PDE11A: variants seen among roughly 807,000 people sequenced by gnomAD.
PDE11A encodes the protein dual 3',5'-cyclic-AMP and -GMP phosphodiesterase 11A.
Under a neutral mutation model 100.5 loss-of-function variants are expected in PDE11A, and 100 were observed. The ratio of observed to expected loss-of-function variants is 1.00; its 90% CI spans 0.85 to 1.18. The LOEUF is 1.18. PDE11A is among the 50% of genes most tolerant of loss of function. The pLI, the probability that PDE11A is intolerant of heterozygous loss-of-function variation, is 0.00. For missense variants in PDE11A, 1,141 were observed against 1,152.6 expected, an observed-to-expected ratio of 0.99 and a Z score of 0.15; for synonymous variants, 381 against 420.8, an observed-to-expected ratio of 0.91 and a Z score of 1.16.
At chr2:177,818,409 G>A (rs941113461) in intron 7 of PDE11A, among the ~76,000 whole-genome samples, 8 of 151,720 alleles carry the variant, frequency 5.3e-5, no homozygotes, top group African/African-American at 1.9e-4. Context: ...GATGATCTGA[G>A]ATCAAATTTC....
At chr2:178,071,264 A>G (rs558075356) in intron 1 of PDE11A, among the ~76,000 whole-genome samples, 14 of 152,342 alleles carry the variant, frequency 9.2e-5, no homozygotes, top group Middle Eastern at 3.4e-3. Context: ...TCAGTGTTAA[A>G]GACAAAGTGT....
chr2:177,716,036 A>G (rs1003658823), intron 12 of PDE11A, among the ~76,000 whole-genome samples: 1 of 152,202 alleles, frequency 6.6e-6, no homozygotes, highest in African/African-American at 2.4e-5. Context: ...GTTGCCTGGG[A>G]ATGGTGTAAA....
At chr2:177,881,345 AT>A (rs1558989361) in intron 4 of PDE11A, among the ~76,000 whole-genome samples, 36 of 95,354 alleles carry the variant, frequency 3.8e-4, no homozygotes, top group African/African-American at 1.4e-3. Context: ...CTATCTGTCT[AT>A]CTATCTATCT....
At chr2:178,017,681 C>G (rs1438981632) in intron 1 of PDE11A, among the ~76,000 whole-genome samples, 1 of 152,132 alleles carries the variant, frequency 6.6e-6, no homozygotes, top group Non-Finnish European at 1.5e-5. Flanking sequence ...ATTCGGGGGG[C>G]CAGGTGCAGT....
At chr2:177,758,826 G>T (rs567375176) in intron 10 of PDE11A, among the ~76,000 whole-genome samples, 1 of 152,308 alleles carries the variant, frequency 6.6e-6, no homozygotes, top group South Asian at 2.1e-4. Flanking sequence ...AACCAAAGGG[G>T]AGAGTCCCCC....
intron 2 of PDE11A, among the ~76,000 whole-genome samples, chr2:177,947,368 G>A (rs956530638): frequency 6.6e-6 from 1 of 151,744 alleles, no homozygotes; most frequent in Non-Finnish European, 1.5e-5. Context: ...GATGGTTGCC[G>A]TGTCTGTGTA....
chr2:177,751,236 G>T (rs1433748712), intron 10 of PDE11A, among the ~76,000 whole-genome samples: 2 of 152,012 alleles, frequency 1.3e-5, no homozygotes, highest in Non-Finnish European at 1.5e-5. Flanking sequence ...CTGATATGTG[G>T]ATTTGCCTGT....
chr2:177,984,558 C>T lies in PDE11A; in HGVS notation c.1071+29744G>A, dbSNP rs2085919387. Among the ~76,000 whole-genome samples, 3 of 152,102 alleles carry T rather than the reference C, an allele frequency of 2.0e-5. No homozygotes were observed. In the South Asian group the frequency reaches 6.2e-4, roughly 32 times the overall value. On this transcript the variant is annotated intron_variant, in intron 2 of 19. Coordinates refer to ENST00000286063, the MANE Select transcript of PDE11A (RefSeq NM_016953.4). ...CAGTTCCCAATTAAATCAAGAGCTC[C>T]TTGGGATATATAATGTATCTGCTAA...
At chr2:177,908,783 C>G (rs778610869) in intron 2 of PDE11A, among the ~76,000 whole-genome samples, 1 of 152,204 alleles carries the variant, frequency 6.6e-6, no homozygotes, top group African/African-American at 2.4e-5. Flanking sequence ...AGCCTAGGAA[C>G]AGCCCAACAT....
At chr2:177,716,210 T>A (rs1377735216) in intron 12 of PDE11A, among the ~76,000 whole-genome samples, 2 of 152,194 alleles carry the variant, frequency 1.3e-5, no homozygotes, top group African/African-American at 4.8e-5. Context: ...ACTCTGGTTA[T>A]GGCAGAGGCA....
At chr2:177,806,724 C>A (rs1298599333) in intron 9 of PDE11A, among the ~76,000 whole-genome samples, 1 of 151,624 alleles carries the variant, frequency 6.6e-6, no homozygotes, top group African/African-American at 2.4e-5. Flanking sequence ...AATTAAAGAC[C>A]AAGAATACGA....
chr2:177,835,048 C>A lies in PDE11A; in HGVS notation c.1500+5203G>T, dbSNP rs531208224. On this transcript the variant is annotated intron_variant, in intron 6 of 19. Coordinates refer to ENST00000286063, the MANE Select transcript of PDE11A (RefSeq NM_016953.4). ...GCAAAGGTTATGACAACAGTGGAGA[C>A]AGGGTGTATGTGGGTGAGTACGATA... 9.4e-4 allele frequency among the ~76,000 whole-genome samples: 143 copies of A among 152,238 alleles called. 2 individuals are homozygous for A. Among genetic ancestry groups the A allele is most frequent in the Middle Eastern group, 6.8e-3 (2 of 294 alleles).
chr2:177,983,163 GATTTATTTCTAAATTTAGAA>G (rs1169855675), intron 2 of PDE11A, among the ~76,000 whole-genome samples: 1 of 139,908 alleles, frequency 7.1e-6, no homozygotes, highest in East Asian at 1.9e-4. Context: ...GTAATTTAGA[GATTTATTTCTAAATTTAGAA>G]ATTTATTTCT....
At chr2:177,985,379 C>T (rs1177984393) in intron 2 of PDE11A, among the ~76,000 whole-genome samples, 2 of 152,166 alleles carry the variant, frequency 1.3e-5, no homozygotes, top group Admixed American at 6.5e-5. Flanking sequence ...AGGATTGACA[C>T]AATTTACCTC....
intron 2 of PDE11A, among the ~76,000 whole-genome samples, chr2:178,002,403 A>G (rs571352293): frequency 6.6e-6 from 1 of 152,276 alleles, no homozygotes; most frequent in African/African-American, 2.4e-5. Context: ...TTTTGGTAGA[A>G]TGATTTATTT....
chr2:177,789,218 G>A (rs1302095242), intron 9 of PDE11A, among the ~76,000 whole-genome samples: 1 of 152,178 alleles, frequency 6.6e-6, no homozygotes, highest in Non-Finnish European at 1.5e-5. Flanking sequence ...TCCCTGGGAT[G>A]CAAGGCTGGC....
chr2:178,083,725 A>G (rs2087315106), intron 2 of PDE11A, among the ~76,000 whole-genome samples: 1 of 152,242 alleles, frequency 6.6e-6, no homozygotes, highest in African/African-American at 2.4e-5. Flanking sequence ...ATAACTTCCT[A>G]TGCAGGAAAA....
Position 178,035,912 on chromosome 2 carries a change from A to G in PDE11A, c.913-21452T>C, listed in dbSNP as rs189005518. On this transcript the variant is annotated intron_variant, in intron 1 of 19. Coordinates refer to ENST00000286063, the MANE Select transcript of PDE11A (RefSeq NM_016953.4). ...GCTGTTTATGACAAACCCATAGCCA[A>G]CATCATACTGAATGGGCAAAAGCTG... 1.1e-3 allele frequency among the ~76,000 whole-genome samples: 162 copies of G among 152,364 alleles called. 1 individual carries two copies. Among genetic ancestry groups the G allele is most frequent in the African/African-American group, 3.6e-3 (150 of 41,598 alleles).
intron 1 of PDE11A, among the ~76,000 whole-genome samples, chr2:178,041,388 C>T (rs935315111): frequency 6.6e-6 from 1 of 151,852 alleles, no homozygotes; most frequent in African/African-American, 2.4e-5. Context: ...GGACTACAGG[C>T]ATGCACCACC....
Sources: gnomAD v4.1 joint callset for allele counts (sites outside exome capture counted in the v4.1 genomes callset) on GRCh38, gnomAD v4.1.1 for gene constraint, MANE v1.5 for transcripts, NCBI Gene and HGNC (gene_info 2026-07-23, HGNC 2026-07-21) for gene names.